CORIN: variants seen among roughly 807,000 people sequenced by gnomAD.
CORIN encodes corin, serine peptidase.
In CORIN, 117 loss-of-function variants were observed where a neutral mutation model predicts 125.3. The ratio of observed to expected loss-of-function variants is 0.93; its 90% CI spans 0.80 to 1.09. The LOEUF (loss-of-function observed/expected upper bound fraction) is 1.09. CORIN is among the 50% of genes least tolerant of loss of function. The pLI is 0.00. For synonymous variants in CORIN, 450 were observed against 466.4 expected (o/e 0.96, Z 0.45); for missense variants, 1,253 against 1,306.7 (o/e 0.96, Z 0.63).
intron 1 of CORIN, among the ~76,000 whole-genome samples, chr4:47,820,139 A>T (rs16860661): frequency 6.6e-6 from 1 of 152,140 alleles, no homozygotes; most frequent in East Asian, 1.9e-4. Flanking sequence ...TGTTCATGCC[A>T]GTTTAAATAC....
At chr4:47,734,956 T>A (rs770390196) in intron 5 of CORIN, among the ~76,000 whole-genome samples, 2 of 152,166 alleles carry the variant, frequency 1.3e-5, no homozygotes, top group Non-Finnish European at 2.9e-5. Context: ...CAGATTAAAA[T>A]TATGGTCATC....
intron 4 of CORIN, among the ~76,000 whole-genome samples, chr4:47,757,830 CAGG>C (rs1729223735): frequency 7.0e-6 from 1 of 142,656 alleles, no homozygotes; most frequent in African/African-American, 2.7e-5. Context: ...GAATTATAAT[CAGG>C]AGAATGATTG....
intron 2 of CORIN, among the ~76,000 whole-genome samples, chr4:47,804,696 T>C (rs1731689536): frequency 8.8e-6 from 1 of 113,598 alleles, no homozygotes; most frequent in Non-Finnish European, 1.7e-5. Flanking sequence ...GATGGATGGT[T>C]ATCAGAGGCT....
At chr4:47,748,674 C>T (rs951584692) in intron 4 of CORIN, among the ~76,000 whole-genome samples, 19 of 151,908 alleles carry the variant, frequency 1.3e-4, no homozygotes, top group African/African-American at 4.6e-4. Flanking sequence ...AGTATATATA[C>T]AAATTAATAT....
At chr4:47,722,252 G>T (rs1305853661) in intron 5 of CORIN, among the ~76,000 whole-genome samples, 1 of 152,176 alleles carries the variant, frequency 6.6e-6, no homozygotes, top group African/African-American at 2.4e-5. Context: ...TGTTTCCTTA[G>T]AGATATACAA....
chr4:47,812,048 G>C (rs1732085281), intron 1 of CORIN, among the ~76,000 whole-genome samples: 1 of 152,150 alleles, frequency 6.6e-6, no homozygotes, highest in African/African-American at 2.4e-5. Context: ...TAAGAAAATT[G>C]TATTTTAATC....
At chr4:47,793,869 T>C (rs566407196) in intron 2 of CORIN, among the ~76,000 whole-genome samples, 96 of 152,290 alleles carry the variant, frequency 6.3e-4, no homozygotes, top group African/African-American at 2.2e-3. Context: ...GAGTGGGGAC[T>C]GAGATTCTGG....
intron 5 of CORIN, 51 bp downstream of exon 5, chr4:47,744,351 G>C (rs376652675): frequency 6.7e-7 from 1 of 1,487,328 alleles, no homozygotes; most frequent in Non-Finnish European, 9.3e-7. Context: ...CTGTATAAAT[G>C]GCATACTCAA....
At chr4:47,785,092 G>A (rs1730726662) in intron 3 of CORIN, among the ~76,000 whole-genome samples, 1 of 152,162 alleles carries the variant, frequency 6.6e-6, no homozygotes, top group Non-Finnish European at 1.5e-5. Context: ...TTTCATGAAA[G>A]AGAGAGAAAC....
intron 20 of CORIN, among the ~76,000 whole-genome samples, chr4:47,601,724 C>T (rs979816825): frequency 6.6e-6 from 1 of 151,958 alleles, no homozygotes; most frequent in African/African-American, 2.4e-5. Flanking sequence ...TGAAAAAAAA[C>T]AGATGCATAG....
At chr4:47,701,689 G>GT (rs145746459) in intron 5 of CORIN, among the ~76,000 whole-genome samples, 8 of 151,776 alleles carry the variant, frequency 5.3e-5, no homozygotes, top group African/African-American at 1.7e-4. Context: ...AAAGTAGAAA[G>GT]TTTTTTTTAA....
At chr4:47,670,049 T>C (rs1724675439) in intron 10 of CORIN, among the ~76,000 whole-genome samples, 1 of 152,248 alleles carries the variant, frequency 6.6e-6, no homozygotes, top group Admixed American at 6.5e-5. Flanking sequence ...TTGTAGGGTA[T>C]ACCAGCTTTT....
At chr4:47,807,232 A>T (rs556061457) in intron 1 of CORIN, among the ~76,000 whole-genome samples, 185 bp from the exon 2 acceptor site, 1 of 152,386 alleles carries the variant, frequency 6.6e-6, no homozygotes, top group African/African-American at 2.4e-5. Context: ...GTACATCTAC[A>T]TTCAGGGAAG....
intron 1 of CORIN, among the ~76,000 whole-genome samples, chr4:47,811,032 T>C (rs944821810): frequency 1.3e-5 from 2 of 152,186 alleles, no homozygotes; most frequent in African/African-American, 2.4e-5. Flanking sequence ...TATATTAATA[T>C]GCAAAACGAA....
At chr4:47,665,562 A>G (rs1482771246) in intron 10 of CORIN, among the ~76,000 whole-genome samples, 1 of 152,116 alleles carries the variant, frequency 6.6e-6, no homozygotes, top group Admixed American at 6.5e-5. Flanking sequence ...ACTCTCTTTC[A>G]TCATTCCTTT....
intron 2 of CORIN, among the ~76,000 whole-genome samples, chr4:47,797,617 G>T (rs2109935940): frequency 6.6e-6 from 1 of 152,124 alleles, no homozygotes; most frequent in East Asian, 1.9e-4. Flanking sequence ...AATTCTTATG[G>T]ACAGAGTTAA....
At chr4:47,602,434 T>C (rs561646037) in intron 20 of CORIN, among the ~76,000 whole-genome samples, 4 of 152,364 alleles carry the variant, frequency 2.6e-5, no homozygotes, top group South Asian at 2.1e-4. Flanking sequence ...TTTTAATCAA[T>C]TTAAATAGTC....
intron 2 of CORIN, among the ~76,000 whole-genome samples, chr4:47,796,199 G>C (rs570816030): frequency 1.3e-5 from 2 of 152,150 alleles, no homozygotes; most frequent in African/African-American, 4.8e-5. Flanking sequence ...CCAAGACATG[G>C]AAGCAGCCTA....
chr4:47,787,929 C>T (rs1730894311), intron 2 of CORIN, among the ~76,000 whole-genome samples: 1 of 152,194 alleles, frequency 6.6e-6, no homozygotes, highest in South Asian at 2.1e-4. Flanking sequence ...TATCAACTGG[C>T]CACTTTCTCA....
Sources: allele counts gnomAD v4.1 joint callset (sites outside exome capture counted in the v4.1 genomes callset), GRCh38; gene constraint gnomAD v4.1.1; transcripts MANE v1.5; gene names NCBI Gene and HGNC (gene_info 2026-07-23, HGNC 2026-07-21).